Variants in ZC3H12B observed in about 807,000 individuals in gnomAD.
ZC3H12B encodes probable ribonuclease ZC3H12B.
A neutral mutation model predicts 43.9 loss-of-function variants in ZC3H12B; 7 were observed. The ratio of observed to expected loss-of-function variants is 0.16; its 90% CI spans 0.09 to 0.30. The LOEUF (loss-of-function observed/expected upper bound fraction) is 0.30, where lower values mean the gene tolerates loss of function less well. Among genes scored for constraint, ZC3H12B ranks in the 10% least tolerant of loss-of-function variants. The probability of loss-of-function intolerance (pLI) is 1.00; values close to 1 mark genes in which losing one functional copy is unlikely to be tolerated. For synonymous variants in ZC3H12B, 222 were observed against 241.7 expected, an observed-to-expected ratio of 0.92 and a Z score of 0.76; for missense variants, 475 against 670.2, an observed-to-expected ratio of 0.71 and a Z score of 3.22.
the ZC3H12B span, among the ~76,000 whole-genome samples, chrX:65,317,456 G>A: frequency 9.1e-6 from 1 of 109,873 alleles, no homozygotes; most frequent in Non-Finnish European, 1.9e-5. Context: ...GCTGTGATTT[G>A]TGAGATTTTG....
At chrX:65,263,684 G>C in the ZC3H12B span, among the ~76,000 whole-genome samples, 1 of 111,296 alleles carries the variant, frequency 9.0e-6, no homozygotes, top group Non-Finnish European at 1.9e-5. Context: ...CAGGGATATG[G>C]CCTTAAAAGT....
chrX:65,317,733 G>A, the ZC3H12B span, among the ~76,000 whole-genome samples: 66 of 102,848 alleles, frequency 6.4e-4, no homozygotes, highest in African/African-American at 2.2e-3. Flanking sequence ...TAGTTGAGTA[G>A]TATCCTATTT....
chrX:65,478,305 C>G (rs768835684), intron 3 of ZC3H12B, among the ~76,000 whole-genome samples: 12 of 112,321 alleles, frequency 1.1e-4, no homozygotes, highest in African/African-American at 3.6e-4. Context: ...TCTTGAGTAG[C>G]TGGGACTATG....
chrX:65,137,919 C>G, the ZC3H12B span, among the ~76,000 whole-genome samples: 1 of 112,357 alleles, frequency 8.9e-6, no homozygotes, highest in African/African-American at 3.2e-5. Context: ...ACCTTCACCT[C>G]GTGGGTTCAA....
the ZC3H12B span, among the ~76,000 whole-genome samples, chrX:65,183,027 A>T: frequency 1.8e-5 from 2 of 111,933 alleles, no homozygotes; most frequent in Non-Finnish European, 3.8e-5. Flanking sequence ...TTTCTCAAAG[A>T]ACTTAAAACA....
the ZC3H12B span, among the ~76,000 whole-genome samples, chrX:65,158,324 T>G: frequency 9.0e-6 from 1 of 111,490 alleles, no homozygotes; most frequent in African/African-American, 3.3e-5. Flanking sequence ...TATTTCTAGT[T>G]GTAGATCCCT....
At position 65,451,050 on chromosome X, in the gene ZC3H12B, C is replaced by G. The variant is rs143207710; in HGVS notation, n.408-37596C>G. ...GCAAGCTCCACCTCCTGGGTTCAAG[C>G]GATTCTTCTGCCTCAGCCTCGCAAA... On this transcript the variant is annotated intron_variant and non_coding_transcript_variant, in intron 3 of 5. Coordinates refer to the ZC3H12B transcript ENST00000617377. 1.2e-4 allele frequency among the ~76,000 whole-genome samples: 13 copies of G among 108,013 alleles called. No individual in the cohort carries two copies. In the East Asian group the frequency reaches 3.2e-3, roughly 27 times the overall value. 93.8% of individuals were successfully genotyped at this position (108,013 alleles called of 115,157 possible). A position where few individuals can be genotyped will look rare whatever the true frequency, so the allele number is the denominator to read the frequency against.
At chrX:65,335,405 T>C in the ZC3H12B span, among the ~76,000 whole-genome samples, 16 of 112,111 alleles carry the variant, frequency 1.4e-4, no homozygotes, top group Admixed American at 1.4e-3. Flanking sequence ...TTTCTGGCTT[T>C]TTAGCTTTAC....
chrX:65,087,475 G>A, the ZC3H12B span, among the ~76,000 whole-genome samples: 1 of 112,080 alleles, frequency 8.9e-6, no homozygotes, highest in Admixed American at 9.4e-5. Flanking sequence ...ACTAATCCAA[G>A]GGTGATGGAT....
the ZC3H12B span, among the ~76,000 whole-genome samples, chrX:65,151,754 C>A: frequency 2.7e-5 from 3 of 111,220 alleles, no homozygotes; most frequent in African/African-American, 9.8e-5. Flanking sequence ...ATCCTGATAC[C>A]AAAGCCGGGC....
the ZC3H12B span, among the ~76,000 whole-genome samples, chrX:65,348,663 GA>G: frequency 9.1e-5 from 9 of 98,824 alleles, no homozygotes; most frequent in East Asian, 2.9e-3. Context: ...AGGGATGGAG[GA>G]ATATTTACCA....
chrX:65,176,416 C>T, the ZC3H12B span, among the ~76,000 whole-genome samples: 1 of 111,493 alleles, frequency 9.0e-6, no homozygotes, highest in African/African-American at 3.3e-5. Flanking sequence ...CTAACATCTC[C>T]CTAGAACAGA....
At chrX:65,434,614 C>T (rs2067198833) in intron 3 of ZC3H12B, among the ~76,000 whole-genome samples, 2 of 112,184 alleles carry the variant, frequency 1.8e-5, no homozygotes, top group African/African-American at 3.2e-5. Context: ...TTACATTTTA[C>T]CCAGATTTTC....
the ZC3H12B span, among the ~76,000 whole-genome samples, chrX:65,046,319 C>G: frequency 8.9e-6 from 1 of 112,137 alleles, no homozygotes; most frequent in African/African-American, 3.2e-5. Context: ...AATGTAGCTA[C>G]TTTCATCCAT....
the ZC3H12B span, among the ~76,000 whole-genome samples, chrX:65,258,071 A>G: frequency 5.4e-5 from 6 of 111,819 alleles, no homozygotes; most frequent in African/African-American, 1.9e-4. Flanking sequence ...AAAACCTGGC[A>G]GACACACACA....
the ZC3H12B span, among the ~76,000 whole-genome samples, chrX:65,047,303 G>A: frequency 9.0e-6 from 1 of 111,469 alleles, no homozygotes; most frequent in Non-Finnish European, 1.9e-5. Flanking sequence ...AATGTACAGG[G>A]AGATCCTGTT....
chrX:65,501,925 G>A, exon 5 of ZC3H12B: 1 of 1,210,703 alleles, frequency 8.3e-7, no homozygotes, highest in Non-Finnish European at 1.1e-6. Context: ...AAGGCACCCT[G>A]GCCAAGTGTG....
the ZC3H12B span, among the ~76,000 whole-genome samples, chrX:65,191,763 A>T: frequency 1.8e-5 from 2 of 108,964 alleles, no homozygotes; most frequent in African/African-American, 3.4e-5. Context: ...TCCTGGATTC[A>T]TTGGTTTTTT....
chrX:65,211,245 A>T, the ZC3H12B span, among the ~76,000 whole-genome samples: 1 of 109,320 alleles, frequency 9.1e-6, no homozygotes, highest in Non-Finnish European at 1.9e-5. Flanking sequence ...ATTTTCTCCC[A>T]TTCTGTAGGT....
Sources: gnomAD v4.1 joint callset for allele counts (sites outside exome capture counted in the v4.1 genomes callset) on GRCh38, gnomAD v4.1.1 for gene constraint, MANE v1.5 for transcripts, NCBI Gene and HGNC (gene_info 2026-07-23, HGNC 2026-07-21) for gene names.